TAPT1: variants seen among roughly 807,000 people sequenced by gnomAD.
TAPT1 encodes transmembrane anterior posterior transformation protein 1 homolog.
Under a neutral mutation model 65.6 loss-of-function variants are expected in TAPT1, and 28 were observed. The observed-to-expected ratio is 0.43, with a 90% CI of 0.32 to 0.59. The LOEUF is 0.59. Among genes scored for constraint, TAPT1 ranks in the 20% least tolerant of loss-of-function variants. The probability of loss-of-function intolerance (pLI) is 0.09; values close to 1 mark genes in which losing one functional copy is unlikely to be tolerated. For synonymous variants in TAPT1, 278 were observed against 245.2 expected, an observed-to-expected ratio of 1.13 and a Z score of -1.25; for missense variants, 563 against 679.9, an observed-to-expected ratio of 0.83 and a Z score of 1.91.
intron 2 of TAPT1, among the ~76,000 whole-genome samples, chr4:16,209,762 A>G (rs936814900): frequency 5.9e-5 from 9 of 152,246 alleles, no homozygotes; most frequent in African/African-American, 2.2e-4. Context: ...TAGTATATAT[A>G]TCTTGTGAGG....
Position 16,162,433 on chromosome 4 carries a change from A to G in TAPT1, c.*875T>C, listed in dbSNP as rs1747314741. Reference sequence around the variant, plus strand: ...GAATTTTGTACATTGACAATTTTTCAGCCTGTTCAACATCGAATCCTTTTA... The same window carrying G: ...GAATTTTGTACATTGACAATTTTTCGGCCTGTTCAACATCGAATCCTTTTA... On this transcript the variant is annotated 3_prime_UTR_variant, in exon 14 of 14. Transcript: ENST00000405303. 6.5e-6 allele frequency: 1 copy of G among 152,754 alleles called. No individual in the cohort carries two copies. Among genetic ancestry groups the G allele is most frequent in the Non-Finnish European group, 1.5e-5 (1 of 68,108 alleles). 9.5% of individuals were successfully genotyped at this position (152,754 alleles called of 1,614,324 possible).
intron 13 of TAPT1, among the ~76,000 whole-genome samples, chr4:16,165,685 C>T (rs1747561995): frequency 6.6e-6 from 1 of 152,070 alleles, no homozygotes; most frequent in Non-Finnish European, 1.5e-5. Flanking sequence ...GTTCTTCCTC[C>T]AAATCTTCCA....
chr4:16,182,348 C>T (rs1404613415), intron 7 of TAPT1, among the ~76,000 whole-genome samples: 1 of 152,086 alleles, frequency 6.6e-6, no homozygotes. Context: ...AGTCAGGGTT[C>T]GGATTAGAAC....
intron 8 of TAPT1, chr4:16,179,255 G>A (rs185495842): frequency 7.9e-4 from 166 of 210,590 alleles, no homozygotes; most frequent in Non-Finnish European, 1.2e-3. Flanking sequence ...TGTACAGCAC[G>A]TTACCATACT....
chr4:16,175,623 T>C (rs1167658454), intron 9 of TAPT1, among the ~76,000 whole-genome samples: 3 of 152,164 alleles, frequency 2.0e-5, no homozygotes, highest in Non-Finnish European at 1.5e-5. Flanking sequence ...TTCTAGAAAT[T>C]ATCCAGAACA....
chr4:16,176,225 T>C lies in TAPT1; in HGVS notation c.1001A>G (p.His334Arg), dbSNP rs1261745089. 1.3e-6 allele frequency: 2 copies of C among 1,524,792 alleles called. No individual in the cohort carries two copies. Among genetic ancestry groups the C allele is most frequent in the Non-Finnish European group, 1.8e-6 (2 of 1,128,070 alleles). The allele number at this position is 1,524,792 out of a possible 1,614,324, so 94.5% of individuals were successfully genotyped here. A position where few individuals can be genotyped will look rare whatever the true frequency, so the allele number is the denominator to read the frequency against. Residue 334 changes from histidine (H) to arginine (R), a missense_variant, in exon 9 of 14, where the codon CAT becomes CGT. Physicochemically the swap from His to Arg is conservative, Grantham distance 29 (BLOSUM62 0). Coordinates refer to ENST00000405303, the MANE Select transcript of TAPT1 (RefSeq NM_153365.3). ...GACATCTGGAAACAACACCCAGAGA[T>C]GATCTGTAAATAGAAAAAAGAAAAA... ...NMEQFSWNPD[H>R]LWVLFPDVCM...
In TAPT1 at chr4:16,186,805, C is replaced by G; in HGVS notation, c.822G>C (p.Leu274Phe). The G allele has an allele frequency of 6.2e-7, 1 of 1,609,138 alleles. No homozygotes were observed. Among genetic ancestry groups the G allele is most frequent in the Non-Finnish European group, 8.5e-7 (1 of 1,176,080 alleles). The change falls in exon 6 of 14, where the codon TTG becomes TTC. Residue 274 changes from leucine (L) to phenylalanine (F), a missense_variant. Coordinates refer to ENST00000405303, the MANE Select transcript of TAPT1 (RefSeq NM_153365.3). ...CATTATTAGACATCATGATAGTAAG[C>G]AAAGACTTGTTGTGTGAGTTAAAAG... The part of the protein sequence containing the change: ...NVAFNSHNKS[L>F]LTIMMSNNFV...
rs142979183 is a variant in TAPT1 at position 16,179,803 on chromosome 4, T to TGA, written c.917-147_917-146insTC. The TGA allele has an allele frequency of 0.029, 3,494 of 122,522 alleles. 43 individuals are homozygous for TGA. Among genetic ancestry groups the TGA allele is most frequent in the Non-Finnish European group, 0.042 (2,612 of 62,846 alleles). The allele number at this position is 122,522 out of a possible 1,614,324, so 7.6% of individuals were successfully genotyped here. On this transcript the variant is annotated intron_variant, in intron 7 of 13. Coordinates refer to ENST00000405303, the MANE Select transcript of TAPT1 (RefSeq NM_153365.3). ...ATATACAACTTTATATATATATATA[T>TGA]GTGTGTGTGTGTGTGTGTGTGTGTA...
At chr4:16,215,244 T>G (rs1750869730) in intron 1 of TAPT1, among the ~76,000 whole-genome samples, 1 of 152,032 alleles carries the variant, frequency 6.6e-6, no homozygotes, top group Non-Finnish European at 1.5e-5. Flanking sequence ...TAAGCCGAGA[T>G]CACGCCACTG....
intron 9 of TAPT1, 23 bp from the exon 10 acceptor site, chr4:16,174,752 T>C (rs1241800865): frequency 6.7e-7 from 1 of 1,493,114 alleles, no homozygotes; most frequent in Non-Finnish European, 9.1e-7. Flanking sequence ...AAGAATGAAA[T>C]ATCAAGTAAT....
chr4:16,179,676 A>G lies in TAPT1; in HGVS notation c.917-19T>C. ...TTAATATCTAAAAGAAAAAAAATCA[A>G]CATAAGTACTGTAGTGTATATAAAC... is the stretch of plus-strand genomic sequence containing the variant. On this transcript the variant is annotated intron_variant, in intron 7 of 13. Coordinates refer to ENST00000405303, the MANE Select transcript of TAPT1 (RefSeq NM_153365.3). 1 of 1,342,684 alleles carries G rather than the reference A, an allele frequency of 7.4e-7. No homozygotes were observed. The highest frequency in any genetic ancestry group is 2.3e-5 in the Admixed American group (1 of 43,998). The allele number at this position is 1,342,684 out of a possible 1,614,324, so 83.2% of individuals were successfully genotyped here.
intron 7 of TAPT1, among the ~76,000 whole-genome samples, chr4:16,180,422 G>A (rs558100150): frequency 1.3e-5 from 2 of 152,280 alleles, no homozygotes; most frequent in African/African-American, 2.4e-5. Flanking sequence ...TATGTGTGCC[G>A]ATGCAATAGT....
chr4:16,207,547 T>TGA (rs891976320), intron 2 of TAPT1, among the ~76,000 whole-genome samples: 33 of 152,324 alleles, frequency 2.2e-4, no homozygotes, highest in African/African-American at 7.5e-4. Flanking sequence ...ACTCATTCAA[T>TGA]GAATCATGCA....
intron 1 of TAPT1, 177 bp downstream of exon 1, chr4:16,226,082 G>A: frequency 3.9e-6 from 4 of 1,023,966 alleles, no homozygotes; most frequent in East Asian, 1.8e-4. Flanking sequence ...CCGAGGAACT[G>A]TCAACGGCCG....
At position 16,163,556 on chromosome 4, in the gene TAPT1, A is replaced by G; in HGVS notation, c.1475-19T>C. On this transcript the variant is annotated intron_variant, in intron 13 of 13. Transcript: ENST00000405303. ...GAAAGGCCTGTGATAAAATAGATCC[A>G]TTAAATTAGAGAAAGACTTTTCTCC... 1 of 1,563,602 alleles carries G rather than the reference A, an allele frequency of 6.4e-7. No individual in the cohort carries two copies. The highest frequency in any genetic ancestry group is 2.2e-5 in the East Asian group (1 of 44,538).
intron 1 of TAPT1, among the ~76,000 whole-genome samples, chr4:16,221,443 C>T (rs1034616165): frequency 6.6e-6 from 1 of 152,160 alleles, no homozygotes; most frequent in African/African-American, 2.4e-5. Flanking sequence ...CATATTTTTA[C>T]ATGATATCAT....
chr4:16,185,728 G>A (rs1168840849), intron 7 of TAPT1, among the ~76,000 whole-genome samples: 4 of 152,076 alleles, frequency 2.6e-5, no homozygotes, highest in Admixed American at 1.3e-4. Context: ...TCTGACAAGC[G>A]CTGCTTTGGA....
chr4:16,226,279 T>C lies in TAPT1; in HGVS notation c.179A>G (p.Glu60Gly). The change falls in exon 1 of 14, where the codon GAG becomes GGG. Residue 60 changes from glutamate (E) to glycine (G), a missense_variant. Glu to Gly is a moderately conservative substitution (Grantham distance 98). Transcript: ENST00000405303. ...CTCACCTGTGCGGCCCCGGCGCCTCTCCCGCCGCCGGTCGCTCTCGTAGAA... is the reference window on the plus strand; with the variant it reads ...CTCACCTGTGCGGCCCCGGCGCCTCCCCCGCCGCCGGTCGCTCTCGTAGAA... The part of the protein sequence containing the change: ...LGFYESDRRR[E>G]RRRGRTELSL... 8.9e-7 allele frequency: 1 copy of C among 1,125,344 alleles called. No individual in the cohort carries two copies. The highest frequency in any genetic ancestry group is 1.1e-6 in the Non-Finnish European group (1 of 920,586). 69.7% of individuals were successfully genotyped at this position (1,125,344 alleles called of 1,614,324 possible). A position where few individuals can be genotyped will look rare whatever the true frequency, so the allele number is the denominator to read the frequency against.
chr4:16,192,313 G>A (rs190789183), intron 3 of TAPT1, among the ~76,000 whole-genome samples: 50 of 152,262 alleles, frequency 3.3e-4, no homozygotes, highest in Admixed American at 1.8e-3. Flanking sequence ...ATGGAAAATC[G>A]TACACAGTGT....
Sources: allele counts gnomAD v4.1 joint callset (sites outside exome capture counted in the v4.1 genomes callset), GRCh38; gene constraint gnomAD v4.1.1; transcripts MANE v1.5; gene names NCBI Gene and HGNC (gene_info 2026-07-23, HGNC 2026-07-21).